OSBP2: variants seen among roughly 807,000 people sequenced by gnomAD.
OSBP2 encodes oxysterol-binding protein 2.
In OSBP2, 66 loss-of-function variants were observed where a neutral mutation model predicts 96.0. The ratio of observed to expected loss-of-function variants is 0.69; its 90% confidence interval spans 0.56 to 0.84. The LOEUF is 0.84. Ranked by LOEUF, OSBP2 falls within the 40% of genes least tolerant of loss-of-function variation. The pLI is 0.00. For missense variants in OSBP2, 1,038 were observed against 1,222.7 expected (o/e 0.85, Z 2.25); for synonymous variants, 525 against 520.9 (o/e 1.01, Z -0.11).
At chr22:30,773,710 C>T (rs1381272530) in intron 2 of OSBP2, among the ~76,000 whole-genome samples, 2 of 151,998 alleles carry the variant, frequency 1.3e-5, no homozygotes, top group Non-Finnish European at 2.9e-5. Flanking sequence ...CTTTGGTCCA[C>T]AGGCTCTGGG....
chr22:30,863,176 T>A (rs1199627701), intron 2 of OSBP2, among the ~76,000 whole-genome samples: 1 of 152,084 alleles, frequency 6.6e-6, no homozygotes, highest in Non-Finnish European at 1.5e-5. Flanking sequence ...CGTTGCTTGA[T>A]ATCCCCCAGA....
chr22:30,869,803 G>A (rs2039421169), intron 2 of OSBP2, among the ~76,000 whole-genome samples: 1 of 152,228 alleles, frequency 6.6e-6, no homozygotes, highest in Non-Finnish European at 1.5e-5. Context: ...TCAAAGGGGT[G>A]GGTGGGGCAG....
At chr22:30,694,756 C>G (rs1169955272), upstream of OSBP2, 1 of 526,178 alleles carries the variant, frequency 1.9e-6, no homozygotes, top group African/African-American at 2.1e-5. Flanking sequence ...CAACAGCCGG[C>G]GGGCGCTGAC....
chr22:30,776,452 A>C (rs761962334), intron 2 of OSBP2, among the ~76,000 whole-genome samples: 2 of 152,084 alleles, frequency 1.3e-5, no homozygotes, highest in Non-Finnish European at 2.9e-5. Flanking sequence ...ATGGTGCATG[A>C]TATTTCATTA....
chr22:30,769,298 G>C (rs1450379710), intron 2 of OSBP2, among the ~76,000 whole-genome samples: 1 of 152,140 alleles, frequency 6.6e-6, no homozygotes, highest in Admixed American at 6.6e-5. Flanking sequence ...CCATCACAGG[G>C]ACAAATAATG....
At chr22:30,877,820 T>C (rs1052812595) in intron 3 of OSBP2, among the ~76,000 whole-genome samples, 1 of 152,196 alleles carries the variant, frequency 6.6e-6, no homozygotes, top group East Asian at 1.9e-4. Context: ...TCATAGTTGG[T>C]CACTCATGCT....
rs1334985698 is a variant in OSBP2 at position 30,893,260 on chromosome 22, GCCT to G, written c.1990+19_1990+21del. On this transcript the variant is annotated intron_variant, in intron 9 of 13. Transcript: ENST00000332585. ...GCCGCTAGGTGAGCTGGGGCCCGGT[GCCT>G]TCCTGGGACACAGAGACATTGTGCA... 1 of 1,613,964 alleles carries G rather than the reference GCCT, an allele frequency of 6.2e-7. No homozygotes were observed. The highest frequency in any genetic ancestry group is 1.1e-5 in the South Asian group (1 of 91,076).
At chr22:30,828,478 C>CA (rs1477349956) in intron 2 of OSBP2, among the ~76,000 whole-genome samples, 14 of 152,226 alleles carry the variant, frequency 9.2e-5, no homozygotes. Context: ...TGCCCACACT[C>CA]AGAGTCCAGG....
chr22:30,866,356 C>T (rs760868290), intron 2 of OSBP2, among the ~76,000 whole-genome samples: 5 of 152,214 alleles, frequency 3.3e-5, no homozygotes, highest in Non-Finnish European at 5.9e-5. Context: ...GGCAAAGCAA[C>T]GCCTTCTCCC....
intron 1 of OSBP2, among the ~76,000 whole-genome samples, chr22:30,709,058 T>A (rs2089302462): frequency 6.6e-6 from 1 of 151,952 alleles, no homozygotes; most frequent in Non-Finnish European, 1.5e-5. Context: ...TAGGTTGTCC[T>A]GTTGCACTCT....
intron 2 of OSBP2, among the ~76,000 whole-genome samples, chr22:30,757,220 C>G (rs913631953): frequency 6.6e-6 from 1 of 152,160 alleles, no homozygotes; most frequent in African/African-American, 2.4e-5. Context: ...GATCTTGCTT[C>G]CTCATGCATA....
chr22:30,907,337 T>C lies in OSBP2; in HGVS notation c.*998T>C, dbSNP rs1011875156. On this transcript the variant is annotated 3_prime_UTR_variant, in exon 14 of 14. Coordinates refer to ENST00000332585, the MANE Select transcript of OSBP2 (RefSeq NM_030758.4). ...CTAATTTATATATATATATATGAGATATATAAATATATATAAAATAGCTAT... is the reference window on the plus strand; with the variant it reads ...CTAATTTATATATATATATATGAGACATATAAATATATATAAAATAGCTAT... 3 of 150,686 alleles carry C rather than the reference T, an allele frequency of 2.0e-5. No individual in the cohort carries two copies. The highest frequency in any genetic ancestry group is 4.4e-5 in the Non-Finnish European group (3 of 67,732). 9.3% of individuals were successfully genotyped at this position (150,686 alleles called of 1,614,324 possible).
At chr22:30,895,425 G>C (rs1033003046) in intron 12 of OSBP2, among the ~76,000 whole-genome samples, 1 of 152,128 alleles carries the variant, frequency 6.6e-6, no homozygotes, top group African/African-American at 2.4e-5. Flanking sequence ...AATGAAGACC[G>C]AAGAAAAAAT....
intron 2 of OSBP2, among the ~76,000 whole-genome samples, chr22:30,827,626 A>G (rs1447716917): frequency 6.6e-6 from 1 of 152,206 alleles, no homozygotes; most frequent in Non-Finnish European, 1.5e-5. Context: ...CATAATTTGC[A>G]CAGAGGCCAG....
At chr22:30,717,105 T>G (rs1219195417) in intron 1 of OSBP2, among the ~76,000 whole-genome samples, 1 of 145,152 alleles carries the variant, frequency 6.9e-6, no homozygotes, top group Admixed American at 6.9e-5. Flanking sequence ...TGTGTGTGTG[T>G]GTGTGTGTGT....
chr22:30,742,673 T>C (rs1351778687), intron 2 of OSBP2, among the ~76,000 whole-genome samples: 1 of 152,240 alleles, frequency 6.6e-6, no homozygotes, highest in African/African-American at 2.4e-5. Flanking sequence ...AGCCTCCTCC[T>C]TGTTCTTACA....
intron 12 of OSBP2, among the ~76,000 whole-genome samples, chr22:30,897,952 GAAA>G (rs199929883): frequency 1.9e-5 from 2 of 105,384 alleles, no homozygotes; most frequent in Admixed American, 1.0e-4. Context: ...TCCGTCTCAG[GAAA>G]AAAAAAAAAA....
chr22:30,791,147 G>A (rs1397872319), intron 2 of OSBP2, among the ~76,000 whole-genome samples: 1 of 150,878 alleles, frequency 6.6e-6, no homozygotes, highest in Non-Finnish European at 1.5e-5. Flanking sequence ...AGCTAATTTT[G>A]TATTTTTAGA....
At chr22:30,889,101 C>A in intron 5 of OSBP2, 76 bp from the exon 6 acceptor site, 1 of 1,309,790 alleles carries the variant, frequency 7.6e-7, no homozygotes, top group Non-Finnish European at 1.1e-6. Context: ...ATGATGTTGT[C>A]TGGAGAGAGG....
Sources: allele counts gnomAD v4.1 joint callset (sites outside exome capture counted in the v4.1 genomes callset), GRCh38; gene constraint gnomAD v4.1.1; transcripts MANE v1.5; gene names NCBI Gene and HGNC (gene_info 2026-07-23, HGNC 2026-07-21).